The following CYLD variants were observed in gnomAD, a reference collection of about 807,000 sequenced individuals.
The protein encoded by CYLD is CYLD lysine 63 deubiquitinase, also known as ubiquitin carboxyl-terminal hydrolase CYLD.
A neutral mutation model predicts 104.5 loss-of-function variants in CYLD; 26 were observed. That is an observed-to-expected ratio of 0.25 (90% CI 0.18 to 0.35). CYLD has a LOEUF of 0.35. Ranked by LOEUF, CYLD falls within the 10% of genes least tolerant of loss-of-function variation. The probability of loss-of-function intolerance (pLI) is 1.00; values close to 1 mark genes in which losing one functional copy is unlikely to be tolerated. For synonymous variants in CYLD, 385 were observed against 399.9 expected, an observed-to-expected ratio of 0.96 and a Z score of 0.45; for missense variants, 703 against 1,136.1, an observed-to-expected ratio of 0.62 and a Z score of 5.48.
Position 50,797,132 on chromosome 16 carries a change from A to G in CYLD, c.*624A>G, listed in dbSNP as rs1272705491. Reference sequence around the variant, plus strand: ...TTGTTTTCTATTTGTTCTGGTTTTGAGATAAATGAGTGATTCTGTCCCCAA... The same window carrying G: ...TTGTTTTCTATTTGTTCTGGTTTTGGGATAAATGAGTGATTCTGTCCCCAA... On this transcript the variant is annotated 3_prime_UTR_variant, in exon 19 of 19. Coordinates refer to ENST00000427738, the MANE Select transcript of CYLD (RefSeq NM_001378743.1). 1 of 233,616 alleles carries G rather than the reference A, an allele frequency of 4.3e-6. No individual in the cohort carries two copies. Among genetic ancestry groups the G allele is most frequent in the African/African-American group, 2.2e-5 (1 of 45,342 alleles). 14.5% of individuals were successfully genotyped at this position (233,616 alleles called of 1,614,324 possible).
At position 50,794,316 on chromosome 16, in the gene CYLD, T is replaced by C; in HGVS notation, c.2574T>C (p.Asn858=). 2 of 1,614,184 alleles carry C rather than the reference T, an allele frequency of 1.2e-6. No individual in the cohort carries two copies. Among genetic ancestry groups the C allele is most frequent in the Non-Finnish European group, 1.7e-6 (2 of 1,180,020 alleles). Residue 858 remains asparagine (N), a synonymous_variant, in exon 18 of 19, where the codon AAT becomes AAC. Coordinates refer to ENST00000427738, the MANE Select transcript of CYLD (RefSeq NM_001378743.1). This position sits in a 1 kb window ranked among gnomAD's most constrained non-coding sequence, Gnocchi z 4.1. Reference sequence around the variant, plus strand: ...GACACGGCTGCATCCCTTGCCAGAATATGGAGTTATTTGCTGTTCTCTGCA... The same window carrying C: ...GACACGGCTGCATCCCTTGCCAGAACATGGAGTTATTTGCTGTTCTCTGCA... ...DWRHGCIPCQ[N]MELFAVLCIE...
rs1248889246 is a variant in CYLD at position 50,794,112 on chromosome 16, G to A, written c.2470-100G>A. The stretch of plus-strand genomic sequence containing the variant: ...CCAGCTAATTTTTGTATTTTTAACA[G>A]AGACAGGGTTTCACCATCTTGATCA... On this transcript the variant is annotated intron_variant, in intron 17 of 18. Transcript: ENST00000427738. The surrounding 1 kb of genome is among the most constrained non-coding windows in gnomAD (Gnocchi z 4.1). The A allele has an allele frequency of 7.1e-6, 8 of 1,125,904 alleles. No individual in the cohort carries two copies. Among genetic ancestry groups the A allele is most frequent in the Non-Finnish European group, 1.1e-5 (8 of 746,860 alleles). 69.7% of individuals were successfully genotyped at this position (1,125,904 alleles called of 1,614,324 possible). A position where few individuals can be genotyped will look rare whatever the true frequency, so the allele number is the denominator to read the frequency against.
Position 50,794,511 on chromosome 16 carries a change from A to G in CYLD, c.2686+83A>G. On this transcript the variant is annotated intron_variant, in intron 18 of 18. Transcript: ENST00000427738. The surrounding 1 kb of genome is among the most constrained non-coding windows in gnomAD (Gnocchi z 4.1). ...GTTTGTAGTGGGATCGCCTGTTCTG[A>G]GTGATATTTTCTGAGAAAATCCTTT... 7.7e-7 allele frequency: 1 copy of G among 1,290,752 alleles called. No homozygotes were observed. The highest frequency in any genetic ancestry group is 1.1e-6 in the Non-Finnish European group (1 of 889,740). The allele number at this position is 1,290,752 out of a possible 1,614,324, so 80.0% of individuals were successfully genotyped here.
chr16:50,753,213 T>G (rs1482588403), intron 4 of CYLD, among the ~76,000 whole-genome samples: 1 of 152,220 alleles, frequency 6.6e-6, no homozygotes, highest in Non-Finnish European at 1.5e-5. Flanking sequence ...GTAAAACATG[T>G]ATGCCCCTCA....
rs375455772 is a variant in CYLD at position 50,749,856 on chromosome 16, G to A, written c.158G>A (p.Arg53His). ...AGTATAGGACAGTATATTCAAGATC[G>A]TTCTGTGGGGCATTCAAGGATTCCT... ...KGSIGQYIQD[R>H]SVGHSRIPSA... Residue 53 changes from arginine (R) to histidine (H), a missense_variant, in exon 3 of 19, where the codon CGT becomes CAT. Coordinates refer to ENST00000427738, the MANE Select transcript of CYLD (RefSeq NM_001378743.1). 31 of 1,614,110 alleles carry A rather than the reference G, an allele frequency of 1.9e-5. No individual in the cohort carries two copies. The highest frequency in any genetic ancestry group is 9.3e-5 in the African/African-American group (7 of 75,024).
At chr16:50,793,113 TATACAC>T (rs1167025528) in intron 16 of CYLD, among the ~76,000 whole-genome samples, 17 of 134,272 alleles carry the variant, frequency 1.3e-4, no homozygotes, top group South Asian at 5.5e-4. Context: ...AAAGGAGCCA[TATACAC>T]ACACACACAC....
At chr16:50,768,331 T>A (rs546351911) in intron 5 of CYLD, among the ~76,000 whole-genome samples, 148 of 152,320 alleles carry the variant, frequency 9.7e-4, no homozygotes, top group Non-Finnish European at 1.7e-3. Context: ...ATGTCATCAT[T>A]AGGACTCTTT....
intron 12 of CYLD, 137 bp downstream of exon 12, chr16:50,784,588 T>C: frequency 2.1e-6 from 2 of 945,838 alleles, no homozygotes; most frequent in Non-Finnish European, 3.2e-6. Context: ...AAATATTACG[T>C]TTTTAAACCT....
intron 2 of CYLD, among the ~76,000 whole-genome samples, chr16:50,747,902 T>C (rs777415847): frequency 2.0e-5 from 3 of 152,246 alleles, no homozygotes; most frequent in African/African-American, 4.8e-5. Flanking sequence ...GTATCCTGTC[T>C]TGGCTAAACC....
chr16:50,755,293 G>T (rs1967088291), intron 5 of CYLD, among the ~76,000 whole-genome samples: 1 of 151,602 alleles, frequency 6.6e-6, no homozygotes, highest in Non-Finnish European at 1.5e-5. Context: ...ATGGGCATTT[G>T]GGCTGGTTCC....
intron 4 of CYLD, among the ~76,000 whole-genome samples, chr16:50,753,028 T>C (rs568754245): frequency 3.3e-5 from 5 of 152,348 alleles, no homozygotes; most frequent in African/African-American, 1.2e-4. Context: ...ATACTCACAA[T>C]GGGGATGCTT....
chr16:50,754,082 C>T (rs1057069719), intron 4 of CYLD, among the ~76,000 whole-genome samples: 7 of 152,076 alleles, frequency 4.6e-5, no homozygotes, highest in Non-Finnish European at 7.4e-5. Context: ...TGGGGGTTTA[C>T]TATCACTTGG....
At chr16:50,772,824 C>A (rs1377685173) in intron 5 of CYLD, among the ~76,000 whole-genome samples, 1 of 152,204 alleles carries the variant, frequency 6.6e-6, no homozygotes, top group Non-Finnish European at 1.5e-5. Flanking sequence ...AGGCAGTACT[C>A]CTGGTCCTAT....
chr16:50,794,490 G>T lies in CYLD; in HGVS notation c.2686+62G>T, dbSNP rs751940542. ...GTTCTGGTTTGTAGTGGGACAGTTT[G>T]TAGTGGGATCGCCTGTTCTGAGTGA... On this transcript the variant is annotated intron_variant, in intron 18 of 18. Coordinates refer to ENST00000427738, the MANE Select transcript of CYLD (RefSeq NM_001378743.1). This position sits in a 1 kb window ranked among gnomAD's most constrained non-coding sequence, Gnocchi z 4.1. 1 of 1,451,114 alleles carries T rather than the reference G, an allele frequency of 6.9e-7. No homozygotes were observed. The allele number at this position is 1,451,114 out of a possible 1,614,324, so 89.9% of individuals were successfully genotyped here. A position where few individuals can be genotyped will look rare whatever the true frequency, so the allele number is the denominator to read the frequency against.
chr16:50,792,293 ATC>A (rs1423790174), intron 15 of CYLD, among the ~76,000 whole-genome samples: 1 of 152,206 alleles, frequency 6.6e-6, no homozygotes, highest in African/African-American at 2.4e-5. Context: ...TGCAAAAACA[ATC>A]TGTCCAAAAC....
At chr16:50,770,500 G>A (rs913097680) in intron 5 of CYLD, among the ~76,000 whole-genome samples, 10 of 150,928 alleles carry the variant, frequency 6.6e-5, no homozygotes, top group Admixed American at 6.6e-5. Flanking sequence ...ACCCAGGCTG[G>A]AGTATAGTGG....
At chr16:50,782,290 CTTTTCA>C (rs1214903550) in intron 10 of CYLD, 29 bp from the exon 11 acceptor site, 1 of 1,435,518 alleles carries the variant, frequency 7.0e-7, no homozygotes, top group Admixed American at 1.8e-5. Flanking sequence ...TAAAAGAATT[CTTTTCA>C]TTTACTTTTT....
chr16:50,759,286 A>G (rs1166292891), intron 5 of CYLD, among the ~76,000 whole-genome samples: 2 of 152,212 alleles, frequency 1.3e-5, no homozygotes, highest in Non-Finnish European at 2.9e-5. Context: ...AAAAGTATAT[A>G]TAACAACATA....
At chr16:50,756,331 C>T (rs1032115277) in intron 5 of CYLD, among the ~76,000 whole-genome samples, 1 of 152,186 alleles carries the variant, frequency 6.6e-6, no homozygotes, top group Non-Finnish European at 1.5e-5. Context: ...AGGCTTTACA[C>T]AGACATTGGT....
Sources: allele counts gnomAD v4.1 joint callset (sites outside exome capture counted in the v4.1 genomes callset), GRCh38; gene constraint gnomAD v4.1.1; non-coding constraint Gnocchi (gnomAD v3.1); transcripts MANE v1.5; gene names NCBI Gene and HGNC (gene_info 2026-07-23, HGNC 2026-07-21).